ULK4: variants seen among roughly 807,000 people sequenced by gnomAD.
ULK4 encodes inactive serine/threonine-protein kinase ULK4.
ULK4 carries 133 observed loss-of-function variants against 160.6 expected under a neutral mutation model. The observed-to-expected ratio is 0.83, with a 90% CI of 0.72 to 0.96. The LOEUF (loss-of-function observed/expected upper bound fraction) is 0.96. ULK4 is among the 40% of genes least tolerant of loss of function. ULK4 has a pLI of 0.00. For missense variants in ULK4, 1,580 were observed against 1,499.5 expected (o/e 1.05, Z -0.89); for synonymous variants, 534 against 539.8 (o/e 0.99, Z 0.15).
At chr3:41,391,733 T>C (rs1396007044) in intron 35 of ULK4, among the ~76,000 whole-genome samples, 1 of 151,994 alleles carries the variant, frequency 6.6e-6, no homozygotes, top group Non-Finnish European at 1.5e-5. Context: ...CCGATACCTA[T>C]ATGAGAAATC....
chr3:41,486,111 A>G (rs2125901557), intron 32 of ULK4, among the ~76,000 whole-genome samples: 1 of 152,060 alleles, frequency 6.6e-6, no homozygotes, highest in East Asian at 1.9e-4. Context: ...CCTTTACCCC[A>G]CAATCAAGCA....
intron 19 of ULK4, among the ~76,000 whole-genome samples, chr3:41,812,617 A>G (rs1019303854): frequency 2.6e-5 from 4 of 152,104 alleles, no homozygotes; most frequent in African/African-American, 9.7e-5. Flanking sequence ...ATATTGACTA[A>G]TCCCCGGGGG....
chr3:41,439,230 T>C (rs747061882), intron 34 of ULK4, among the ~76,000 whole-genome samples: 1 of 152,222 alleles, frequency 6.6e-6, no homozygotes, highest in Non-Finnish European at 1.5e-5. Flanking sequence ...ATTTGTGATA[T>C]ACCAAATAAT....
intron 34 of ULK4, among the ~76,000 whole-genome samples, chr3:41,401,671 G>A (rs181104165): frequency 2.6e-5 from 4 of 152,238 alleles, no homozygotes; most frequent in Admixed American, 2.6e-4. Flanking sequence ...GTGTGTGCAT[G>A]GTAACTGTTC....
chr3:41,929,786 G>T (rs1219046008), intron 5 of ULK4, among the ~76,000 whole-genome samples: 1 of 152,152 alleles, frequency 6.6e-6, no homozygotes, highest in East Asian at 1.9e-4. Flanking sequence ...TACAAGGGAT[G>T]TGAAGGACCT....
At chr3:41,793,587 G>C (rs1443522484) in intron 20 of ULK4, among the ~76,000 whole-genome samples, 3 of 152,114 alleles carry the variant, frequency 2.0e-5, no homozygotes, top group Non-Finnish European at 1.5e-5. Context: ...AATGTTGCTT[G>C]AAAAGCTCCC....
intron 21 of ULK4, among the ~76,000 whole-genome samples, chr3:41,762,875 G>C (rs2039035853): frequency 6.6e-6 from 1 of 151,828 alleles, no homozygotes; most frequent in Non-Finnish European, 1.5e-5. Context: ...CTGTTAGCCA[G>C]GATTGTCTCA....
At chr3:41,908,095 A>G (rs1698643925) in intron 11 of ULK4, among the ~76,000 whole-genome samples, 154 bp from the exon 12 acceptor site, 1 of 152,194 alleles carries the variant, frequency 6.6e-6, no homozygotes, top group African/African-American at 2.4e-5. Flanking sequence ...TTATGTTTAT[A>G]TAATTTTTAT....
intron 34 of ULK4, among the ~76,000 whole-genome samples, chr3:41,442,381 C>T (rs1207082578): frequency 1.3e-5 from 2 of 151,916 alleles, no homozygotes; most frequent in Non-Finnish European, 2.9e-5. Context: ...AAGAAGAAAA[C>T]AGAAATCACA....
At chr3:41,934,925 A>G (rs1028485343) in intron 4 of ULK4, among the ~76,000 whole-genome samples, 1 of 152,096 alleles carries the variant, frequency 6.6e-6, no homozygotes, top group Non-Finnish European at 1.5e-5. Flanking sequence ...GCATTAAGTA[A>G]TTACTCAAAG....
At chr3:41,348,325 C>T (rs184715052) in intron 35 of ULK4, among the ~76,000 whole-genome samples, 1 of 151,172 alleles carries the variant, frequency 6.6e-6, no homozygotes, top group East Asian at 2.0e-4. Flanking sequence ...CCAGCAAACA[C>T]AATTCAGCAT....
In ULK4 at chr3:41,754,308, T is replaced by C. The variant is rs2038722284; in HGVS notation, c.2321+53A>G. 106 of 1,574,938 alleles carry C rather than the reference T, an allele frequency of 6.7e-5. No homozygotes were observed. In the South Asian group the frequency reaches 1.2e-3, roughly 18 times the overall value. Reference sequence around the variant, plus strand: ...CCAAGAAATACCCTACAACTACTAATACAACAGGCACTAAATTGAAGTTAC... The same window carrying C: ...CCAAGAAATACCCTACAACTACTAACACAACAGGCACTAAATTGAAGTTAC... On this transcript the variant is annotated intron_variant, in intron 22 of 36. Coordinates refer to ENST00000301831, the MANE Select transcript of ULK4 (RefSeq NM_017886.4).
At chr3:41,666,474 G>A (rs2035353983) in intron 29 of ULK4, among the ~76,000 whole-genome samples, 1 of 152,188 alleles carries the variant, frequency 6.6e-6, no homozygotes, top group South Asian at 2.1e-4. Flanking sequence ...AGGAAACTGA[G>A]AGGCACTGTC....
rs747184875 is a variant in ULK4 at position 41,249,470 on chromosome 3, C to G, written c.3764+19G>C. 6.2e-7 allele frequency: 1 copy of G among 1,608,720 alleles called. No individual in the cohort carries two copies. The highest frequency in any genetic ancestry group is 1.7e-5 in the Admixed American group (1 of 59,680). ...TGCTGATCTAGAGCAGACTGCTGAT[C>G]CTCCTGGGTCCCACTTACCCACTCC... On this transcript the variant is annotated intron_variant, in intron 36 of 36. Coordinates refer to ENST00000301831, the MANE Select transcript of ULK4 (RefSeq NM_017886.4).
chr3:41,921,312 A>T (rs1211982072), intron 5 of ULK4, among the ~76,000 whole-genome samples: 2 of 151,830 alleles, frequency 1.3e-5, no homozygotes, highest in African/African-American at 4.8e-5. Context: ...ACTCTGTCTC[A>T]AAAAATAAAT....
At chr3:41,546,566 G>A (rs2086869863) in intron 32 of ULK4, among the ~76,000 whole-genome samples, 1 of 152,020 alleles carries the variant, frequency 6.6e-6, no homozygotes, top group African/African-American at 2.4e-5. Context: ...CTCTGTGAAA[G>A]TATAGCCCAG....
chr3:41,825,146 C>T (rs962756861), intron 18 of ULK4, among the ~76,000 whole-genome samples: 1 of 152,160 alleles, frequency 6.6e-6, no homozygotes, highest in Non-Finnish European at 1.5e-5. Context: ...GGGACATCCA[C>T]ACCAAAACCC....
intron 30 of ULK4, among the ~76,000 whole-genome samples, chr3:41,643,301 C>T (rs1559454954): frequency 6.6e-6 from 1 of 152,078 alleles, no homozygotes. Flanking sequence ...CCTAGGTTTT[C>T]TTCTACGGTT....
intron 31 of ULK4, among the ~76,000 whole-genome samples, chr3:41,571,999 T>C (rs1276990649): frequency 6.6e-6 from 1 of 152,112 alleles, no homozygotes; most frequent in Non-Finnish European, 1.5e-5. Context: ...ATTGAGAACT[T>C]ACTATGTGCC....
Sources: allele counts gnomAD v4.1 joint callset (sites outside exome capture counted in the v4.1 genomes callset), GRCh38; gene constraint gnomAD v4.1.1; transcripts MANE v1.5; gene names NCBI Gene and HGNC (gene_info 2026-07-23, HGNC 2026-07-21).